OR52I2: variants seen among roughly 807,000 people sequenced by gnomAD.
The protein encoded by OR52I2 is olfactory receptor family 52 subfamily I member 2, also known as olfactory receptor 52I2.
For missense variants in OR52I2, 350 were observed against 402.4 expected (o/e 0.87, Z 1.11); for synonymous variants, 147 against 151.9 (o/e 0.97, Z 0.24).
chr11:4,583,628 C>T (rs1421890084), intron 1 of OR52I2, among the ~76,000 whole-genome samples: 1 of 152,186 alleles, frequency 6.6e-6, no homozygotes, highest in African/African-American at 2.4e-5. Flanking sequence ...ATGTCTCGCC[C>T]AGTGTCCCAG....
chr11:4,586,342 C>G (rs1200972172), intron 1 of OR52I2, among the ~76,000 whole-genome samples: 1 of 152,114 alleles, frequency 6.6e-6, no homozygotes, highest in East Asian at 1.9e-4. Context: ...CATATAACAA[C>G]TAGTAACTGA....
At chr11:4,588,921 C>T (rs761475190) in exon 2 of OR52I2, 1 of 152,200 alleles carries the variant, frequency 6.6e-6, no homozygotes, top group Non-Finnish European at 1.5e-5. Flanking sequence ...CTGAGATAAT[C>T]TTTGAAAAGA....
At chr11:4,583,458 C>G (rs554620410) in intron 1 of OR52I2, among the ~76,000 whole-genome samples, 9 of 152,256 alleles carry the variant, frequency 5.9e-5, no homozygotes, top group African/African-American at 2.2e-4. Context: ...TTTGGATCCT[C>G]AAGCTTTCTG....
At chr11:4,587,598 T>G (rs780260742) in exon 2 of OR52I2, 2 of 1,614,110 alleles carry the variant, frequency 1.2e-6, no homozygotes, top group South Asian at 1.1e-5. Flanking sequence ...CCTCAAAGAC[T>G]GCTCAGTTGA....
intron 1 of OR52I2, among the ~76,000 whole-genome samples, chr11:4,584,145 C>A (rs1447831159): frequency 1.3e-5 from 2 of 152,120 alleles, no homozygotes; most frequent in African/African-American, 2.4e-5. Context: ...TCAGGAGAGG[C>A]ACAGGAAGAA....
intron 1 of OR52I2, among the ~76,000 whole-genome samples, chr11:4,586,065 C>T (rs1279728645): frequency 2.0e-5 from 3 of 151,928 alleles, no homozygotes; most frequent in East Asian, 1.9e-4. Flanking sequence ...TAAGGTAGTC[C>T]CAAGGTTTTC....
rs367930515 is a variant in OR52I2 at position 4,583,374 on chromosome 11, T to C, written c.-20+1510T>C. 1.1e-3 allele frequency among the ~76,000 whole-genome samples: 167 copies of C among 152,288 alleles called. No individual in the cohort carries two copies. In the Middle Eastern group the frequency reaches 0.017, roughly 16 times the overall value. ...GCAAGCATCAGCTGAGGCTGCCTCC[T>C]GAAGAAAGGTGAATTTACACAGGGC... On this transcript the variant is annotated intron_variant, in intron 1 of 1. Transcript: ENST00000641896.
At chr11:4,593,282 T>G (rs1846366704) in exon 2 of OR52I2, 1 of 153,196 alleles carries the variant, frequency 6.5e-6, no homozygotes, top group African/African-American at 2.4e-5. Context: ...TTCCTTGTAG[T>G]AATTTAATCT....
chr11:4,590,739 G>A (rs766130626), exon 2 of OR52I2: 10 of 152,082 alleles, frequency 6.6e-5, no homozygotes, highest in South Asian at 2.1e-4. Context: ...GAACACATGC[G>A]GCAATCTCAA....
intron 1 of OR52I2, among the ~76,000 whole-genome samples, chr11:4,586,032 G>T (rs994636655): frequency 3.1e-4 from 47 of 152,180 alleles, no homozygotes; most frequent in African/African-American, 9.9e-4. Context: ...AATCATAAAA[G>T]CTTACTGGGT....
In OR52I2 at chr11:4,588,137, G is replaced by T. The variant is rs1387354217; in HGVS notation, c.*272G>T. The T allele has an allele frequency of 1.5e-5, 6 of 411,472 alleles. No homozygotes were observed. In the East Asian group the frequency reaches 2.8e-4, roughly 19 times the overall value. 25.5% of individuals were successfully genotyped at this position (411,472 alleles called of 1,614,324 possible). A position where few individuals can be genotyped will look rare whatever the true frequency, so the allele number is the denominator to read the frequency against. Reference sequence around the variant, plus strand: ...ATGTTTCCCTGCTCTTTAGGAATGTGCTAGGTTAGGCTGAGGAAGGCACAA... The same window carrying T: ...ATGTTTCCCTGCTCTTTAGGAATGTTCTAGGTTAGGCTGAGGAAGGCACAA... On this transcript the variant is annotated 3_prime_UTR_variant, in exon 2 of 2. Transcript: ENST00000641896.
At chr11:4,587,172 C>T (rs749629745) in exon 2 of OR52I2, 3 of 1,614,082 alleles carry the variant, frequency 1.9e-6, no homozygotes, top group Non-Finnish European at 2.5e-6. Context: ...CAGGAGACAG[C>T]TCAATCAGCT....
rs1846265876 is a variant in OR52I2 at position 4,582,442 on chromosome 11, T to TCA, written c.-20+578_-20+579insCA. Among the ~76,000 whole-genome samples, 5 of 135,594 alleles carry TCA rather than the reference T, an allele frequency of 3.7e-5. No homozygotes were observed. The South Asian group carries it at 1.3e-3, about 34-fold the overall frequency. 89.0% of individuals were successfully genotyped at this position (135,594 alleles called of 152,430 possible). A position where few individuals can be genotyped will look rare whatever the true frequency, so the allele number is the denominator to read the frequency against. On this transcript the variant is annotated intron_variant, in intron 1 of 1. Coordinates refer to ENST00000641896, the Ensembl canonical transcript of OR52I2. ...ATATTTATTTATTTTTCATTTTTTT[T>TCA]TTTTTTTTTTTTTTGAGATGGTGTC... is the stretch of plus-strand genomic sequence containing the variant.
At chr11:4,590,186 A>C (rs991248534) in exon 2 of OR52I2, 1 of 152,228 alleles carries the variant, frequency 6.6e-6, no homozygotes, top group African/African-American at 2.4e-5. Context: ...CAGGCTATCT[A>C]TCTGAGATTT....
intron 1 of OR52I2, among the ~76,000 whole-genome samples, chr11:4,582,732 TC>T (rs1846268320): frequency 6.6e-6 from 1 of 151,916 alleles, no homozygotes; most frequent in Non-Finnish European, 1.5e-5. Context: ...CCATGTCCGG[TC>T]GAACTTTTTA....
At chr11:4,582,599 C>T (rs1357573409) in intron 1 of OR52I2, among the ~76,000 whole-genome samples, 3 of 151,648 alleles carry the variant, frequency 2.0e-5, no homozygotes, top group African/African-American at 7.3e-5. Flanking sequence ...GCCACCATGC[C>T]CAGCTAATTT....
At chr11:4,590,774 TC>T (rs1336139498) in exon 2 of OR52I2, 1 of 152,186 alleles carries the variant, frequency 6.6e-6, no homozygotes, top group Non-Finnish European at 1.5e-5. Context: ...TTTCTTTCAC[TC>T]TTCACTACCG....
chr11:4,587,094 T>C, exon 2 of OR52I2: 1 of 1,614,198 alleles, frequency 6.2e-7, no homozygotes, highest in African/African-American at 1.3e-5. Context: ...GCTTTCTGTG[T>C]GTTCTGGCTG....
chr11:4,584,938 C>T (rs758816967), intron 1 of OR52I2, among the ~76,000 whole-genome samples: 1 of 152,186 alleles, frequency 6.6e-6, no homozygotes, highest in Admixed American at 6.5e-5. Context: ...GCAGGGAAAA[C>T]AGTTTCATTT....
Sources: allele counts gnomAD v4.1 joint callset (sites outside exome capture counted in the v4.1 genomes callset), GRCh38; gene constraint gnomAD v4.1.1; transcripts MANE v1.5; gene names NCBI Gene and HGNC (gene_info 2026-07-23, HGNC 2026-07-21).